TASOR2: variants seen among roughly 807,000 people sequenced by gnomAD.
TASOR2 encodes the protein transcription activation suppressor family member 2.
TASOR2 carries 84 observed loss-of-function variants against 199.5 expected under a neutral mutation model. The ratio of observed to expected loss-of-function variants is 0.42; its 90% CI spans 0.35 to 0.50. The LOEUF (loss-of-function observed/expected upper bound fraction) is 0.50, where lower values mean the gene tolerates loss of function less well. Ranked by LOEUF, TASOR2 falls within the 20% of genes least tolerant of loss-of-function variation. The pLI is 0.02. For missense variants in TASOR2, 2,796 were observed against 2,835.9 expected (o/e 0.99, Z 0.32); for synonymous variants, 1,103 against 1,046.6 (o/e 1.05, Z -1.04).
At chr10:5,761,493 C>T (rs1422288869) in intron 19 of TASOR2, 22 bp downstream of exon 20, 2 of 1,602,714 alleles carry the variant, frequency 1.2e-6, no homozygotes, top group East Asian at 4.5e-5. Context: ...GCGCATTTTA[C>T]TCAGTTAATG....
chr10:5,694,080 G>T (rs1222449890), intron 1 of TASOR2, among the ~76,000 whole-genome samples: 1 of 152,012 alleles, frequency 6.6e-6, no homozygotes, highest in African/African-American at 2.4e-5. Flanking sequence ...CTCAACCATG[G>T]GAGGAATGGG....
rs769092675 is a variant in TASOR2, at chr10:5,748,425, C to T, written c.5004C>T (p.Thr1668=). Residue 1668 remains threonine, a synonymous_variant, in exon 15 of 21, where the codon ACC becomes ACT. Transcript: ENST00000328090. The surrounding 1 kb of genome is among the most constrained non-coding windows in gnomAD (Gnocchi z 5.1). ...CTTCCTCAGACAATGCTACATTAAC[C>T]CATTATGTAAGACCAATAAATGCAG... 1 of 1,614,196 alleles carries T rather than the reference C, an allele frequency of 6.2e-7. No individual in the cohort carries two copies. Among genetic ancestry groups the T allele is most frequent in the East Asian group, 2.2e-5 (1 of 44,886 alleles).
In TASOR2 at chr10:5,711,150, A is replaced by G. The variant is rs188720935; in HGVS notation, c.-287-1673A>G. ...ATTCGTAAACATTTCATTCTTTTCT[A>G]TTTACAGTCTTTCATTTTGATACTT... On this transcript the variant is annotated intron_variant, in intron 1 of 20. Transcript: ENST00000328090. 3.2e-4 allele frequency among the ~76,000 whole-genome samples: 49 copies of G among 152,186 alleles called. 1 individual carries two copies. Among genetic ancestry groups the G allele is most frequent in the Admixed American group, 2.9e-3 (44 of 15,278 alleles).
At chr10:5,760,306 T>G (rs995540623) in intron 18 of TASOR2, among the ~76,000 whole-genome samples, 2 of 152,224 alleles carry the variant, frequency 1.3e-5, no homozygotes, top group Non-Finnish European at 2.9e-5. Context: ...GAAACATCAT[T>G]ATGTGGTACA....
exon 15 of TASOR2, chr10:5,749,939 TAAG>T (rs1837789556): frequency 3.7e-6 from 6 of 1,614,176 alleles, no homozygotes; most frequent in Non-Finnish European, 5.1e-6. Context: ...CACGTCAAAC[TAAG>T]AAGTGTTGTG....
rs1837836900 is a variant in TASOR2, at chr10:5,701,486, T to G, written c.-287-11337T>G. ...TACATTTTAGGATTTGTTTTCTATT[T>G]CTGTGAAGAAGAATGTCATTGGAAT... On this transcript the variant is annotated intron_variant, in intron 1 of 20. Coordinates refer to ENST00000328090, the Ensembl canonical transcript of TASOR2. This position sits in a 1 kb window ranked among gnomAD's most constrained non-coding sequence, Gnocchi z 4.9. 6.6e-6 allele frequency among the ~76,000 whole-genome samples: 1 copy of G among 152,210 alleles called. No individual in the cohort carries two copies. Among genetic ancestry groups the G allele is most frequent in the African/African-American group, 2.4e-5 (1 of 41,454 alleles).
rs1835624207 is a variant in TASOR2, at chr10:5,684,843, C to A, written c.-620C>A. 3 of 392,986 alleles carry A rather than the reference C, an allele frequency of 7.6e-6. 1 individual carries two copies. Among genetic ancestry groups the A allele is most frequent in the East Asian group, 7.2e-5 (2 of 27,854 alleles). The allele number at this position is 392,986 out of a possible 1,614,324, so 24.3% of individuals were successfully genotyped here. A position where few individuals can be genotyped will look rare whatever the true frequency, so the allele number is the denominator to read the frequency against. On this transcript the variant is annotated 5_prime_UTR_variant, in exon 1 of 21. Coordinates refer to ENST00000328090, the Ensembl canonical transcript of TASOR2. The stretch of plus-strand genomic sequence containing the variant: ...TCCTTTGGCCGCGAGGTTTTGCTTC[C>A]GGTTGCTAGCGCCGGTCAGAGAGAA...
At position 5,690,097 on chromosome 10, in the gene TASOR2, TCTTTG is replaced by T. The variant is rs1295162351; in HGVS notation, c.-288+4927_-288+4931del. Among the ~76,000 whole-genome samples the T allele has an allele frequency of 1.3e-5, 2 of 152,194 alleles. No homozygotes were observed. Among genetic ancestry groups the T allele is most frequent in the Non-Finnish European group, 2.9e-5 (2 of 68,038 alleles). On this transcript the variant is annotated intron_variant, in intron 1 of 20. Transcript: ENST00000328090. This position sits in a 1 kb window ranked among gnomAD's most constrained non-coding sequence, Gnocchi z 4.8. ...CTTCCTTGTATTTGTGGTTGTATCGTCTTTGCTTTCAATATTTAATTTTTTCCTTT... is the reference window on the plus strand; with the variant it reads ...CTTCCTTGTATTTGTGGTTGTATCGTCTTTCAATATTTAATTTTTTCCTTT...
intron 1 of TASOR2, among the ~76,000 whole-genome samples, chr10:5,707,654 T>TTCTCTCTC (rs55766705): frequency 7.4e-6 from 1 of 135,652 alleles, no homozygotes; most frequent in Non-Finnish European, 1.6e-5. Context: ...CTCATTCTCT[T>TTCTCTCTC]TCTCTCTCTC....
In TASOR2 at chr10:5,689,467, G is replaced by A. The variant is rs1294298011; in HGVS notation, c.-288+4292G>A. 6.6e-6 allele frequency among the ~76,000 whole-genome samples: 1 copy of A among 152,132 alleles called. No individual in the cohort carries two copies. Among genetic ancestry groups the A allele is most frequent in the South Asian group, 2.1e-4 (1 of 4,820 alleles). ...ATACAAAAATTATCCCGGCATGGGG[G>A]TGCGCGCCTGTAGTCCCAGCTACTC... On this transcript the variant is annotated intron_variant, in intron 1 of 20. Coordinates refer to ENST00000328090, the Ensembl canonical transcript of TASOR2. The surrounding 1 kb of genome is among the most constrained non-coding windows in gnomAD (Gnocchi z 4.1).
chr10:5,746,679 A>G (rs1399272852), exon 15 of TASOR2: 8 of 1,614,074 alleles, frequency 5.0e-6, no homozygotes, highest in East Asian at 4.5e-5. Flanking sequence ...TTAAGCAAGT[A>G]TCACCTGCTG....
chr10:5,712,969 TGTG>T lies in TASOR2; in HGVS notation c.-192+54_-192+56del, dbSNP rs1419929178. On this transcript the variant is annotated intron_variant, in intron 2 of 20. Transcript: ENST00000328090. ...TAATGGTATCATTAGTCTTAAGTATTGTGGTACTTCAGTTCTGTAAGAGTTGTA... is the reference window on the plus strand; with the variant it reads ...TAATGGTATCATTAGTCTTAAGTATTGTACTTCAGTTCTGTAAGAGTTGTA... The T allele has an allele frequency of 5.7e-6, 5 of 879,948 alleles. No individual in the cohort carries two copies. In the African/African-American group the frequency reaches 7.0e-5, roughly 12 times the overall value. The allele number at this position is 879,948 out of a possible 1,614,324, so 54.5% of individuals were successfully genotyped here. A position where few individuals can be genotyped will look rare whatever the true frequency, so the allele number is the denominator to read the frequency against.
intron 1 of TASOR2, among the ~76,000 whole-genome samples, chr10:5,702,244 AAT>A (rs1837957790): frequency 6.6e-6 from 1 of 152,096 alleles, no homozygotes; most frequent in East Asian, 1.9e-4. Context: ...TAGTTCTGTT[AAT>A]ATATCACATT....
rs1346626124 is a variant in TASOR2 at position 5,698,431 on chromosome 10, T to C, written c.-288+13256T>C. Among the ~76,000 whole-genome samples the C allele has an allele frequency of 6.6e-6, 1 of 152,188 alleles. No individual in the cohort carries two copies. Among genetic ancestry groups the C allele is most frequent in the Non-Finnish European group, 1.5e-5 (1 of 68,022 alleles). ...TAATAAACATTAGTTAACCGAACAG[T>C]TATATGATTAAAAATAAAAAAAGAG... On this transcript the variant is annotated intron_variant, in intron 1 of 20. Transcript: ENST00000328090. This position sits in a 1 kb window ranked among gnomAD's most constrained non-coding sequence, Gnocchi z 4.4.
Position 5,710,621 on chromosome 10 carries a change from A to G in TASOR2, c.-287-2202A>G, listed in dbSNP as rs1480247446. 6.6e-6 allele frequency among the ~76,000 whole-genome samples: 1 copy of G among 152,064 alleles called. No homozygotes were observed. Among genetic ancestry groups the G allele is most frequent in the African/African-American group, 2.4e-5 (1 of 41,440 alleles). ...TTCAGTTTTCAGTTCATTATTGTGCATTATGATGCTCAAAAATGAGGACGT... is the reference window on the plus strand; with the variant it reads ...TTCAGTTTTCAGTTCATTATTGTGCGTTATGATGCTCAAAAATGAGGACGT... On this transcript the variant is annotated intron_variant, in intron 1 of 20. Transcript: ENST00000328090. The surrounding 1 kb of genome is among the most constrained non-coding windows in gnomAD (Gnocchi z 4.6).
chr10:5,720,492 C>T lies in TASOR2; in HGVS notation c.-99-52C>T. ...CGGTGGGGTTGAGAAAAACTTGGTA[C>T]ATATGCAGTTCCATAGTGCTACCCT... On this transcript the variant is annotated intron_variant, in intron 3 of 20. Coordinates refer to ENST00000328090, the Ensembl canonical transcript of TASOR2. This position sits in a 1 kb window ranked among gnomAD's most constrained non-coding sequence, Gnocchi z 5.3. 9 of 1,461,852 alleles carry T rather than the reference C, an allele frequency of 6.2e-6. No individual in the cohort carries two copies. Among genetic ancestry groups the T allele is most frequent in the East Asian group, 2.5e-5 (1 of 40,490 alleles). 90.6% of individuals were successfully genotyped at this position (1,461,852 alleles called of 1,614,324 possible).
At chr10:5,753,792 T>C (rs1252054302) in intron 15 of TASOR2, among the ~76,000 whole-genome samples, 2 of 152,212 alleles carry the variant, frequency 1.3e-5, no homozygotes, top group African/African-American at 4.8e-5. Context: ...CTTCACTCTC[T>C]TCAGTCTTTG....
Position 5,690,930 on chromosome 10 carries a change from T to C in TASOR2, c.-288+5755T>C, listed in dbSNP as rs144362150. ...CCTTGAGGCTGGGCGCGGTGGCTCA[T>C]GCCTGTAATCCCAGCACTTTGGGAG... On this transcript the variant is annotated intron_variant, in intron 1 of 20. Coordinates refer to ENST00000328090, the Ensembl canonical transcript of TASOR2. The surrounding 1 kb of genome is among the most constrained non-coding windows in gnomAD (Gnocchi z 4.8). 1.2e-3 allele frequency among the ~76,000 whole-genome samples: 185 copies of C among 152,264 alleles called. 2 individuals are homozygous for C. The East Asian group carries it at 0.026, about 22-fold the overall frequency.
chr10:5,757,961 T>A (rs1419407100), intron 17 of TASOR2, among the ~76,000 whole-genome samples: 1 of 152,206 alleles, frequency 6.6e-6, no homozygotes, highest in Non-Finnish European at 1.5e-5. Context: ...GATTTTATTA[T>A]ATTTAGTCTC....
Sources: gnomAD v4.1 joint callset for allele counts (sites outside exome capture counted in the v4.1 genomes callset) on GRCh38, gnomAD v4.1.1 for gene constraint, Gnocchi (gnomAD v3.1) non-coding constraint, MANE v1.5 for transcripts, NCBI Gene and HGNC (gene_info 2026-07-23, HGNC 2026-07-21) for gene names.